The following ANO1 variants were observed in gnomAD, a reference collection of about 807,000 sequenced individuals.
The protein encoded by ANO1 is anoctamin-1.
Under a neutral mutation model 124.0 loss-of-function variants are expected in ANO1, and 59 were observed. That is an observed-to-expected ratio of 0.48 (90% CI 0.39 to 0.59). ANO1 has a LOEUF of 0.59. Ranked by LOEUF, ANO1 falls within the 20% of genes least tolerant of loss-of-function variation. The probability of loss-of-function intolerance (pLI) is 0.00; values close to 1 mark genes in which losing one functional copy is unlikely to be tolerated. For missense variants in ANO1, 1,059 were observed against 1,328.0 expected, an observed-to-expected ratio of 0.80 and a Z score of 3.15; for synonymous variants, 529 against 532.0, an observed-to-expected ratio of 0.99 and a Z score of 0.08.
chr11:70,181,593 G>A (rs985270986), intron 23 of ANO1, among the ~76,000 whole-genome samples: 31 of 152,326 alleles, frequency 2.0e-4, no homozygotes, highest in Admixed American at 1.5e-3. Flanking sequence ...GAGCAGCTGC[G>A]GAGCACAGTG....
At chr11:69,990,660 T>C (rs1554997363) in intron 1 of ANO1, among the ~76,000 whole-genome samples, 2 of 152,230 alleles carry the variant, frequency 1.3e-5, no homozygotes. Flanking sequence ...TTGATATATA[T>C]ACTGTTTAAT....
chr11:70,021,561 G>A (rs1267162935), intron 1 of ANO1, among the ~76,000 whole-genome samples: 4 of 151,972 alleles, frequency 2.6e-5, no homozygotes, highest in African/African-American at 7.3e-5. Context: ...CTGAGGACGT[G>A]GTTCCCATTG....
At chr11:70,032,785 G>T (rs1348457054) in intron 1 of ANO1, among the ~76,000 whole-genome samples, 6 of 152,112 alleles carry the variant, frequency 3.9e-5, no homozygotes, top group African/African-American at 1.4e-4. Flanking sequence ...GATGATGCAG[G>T]TTCTTTGTAA....
chr11:70,146,230 T>C (rs2047372365), intron 11 of ANO1, among the ~76,000 whole-genome samples: 1 of 152,212 alleles, frequency 6.6e-6, no homozygotes, highest in Non-Finnish European at 1.5e-5. Context: ...CAGCTGACCT[T>C]GGGCACAGCA....
At chr11:70,030,396 G>A (rs1266886955) in intron 1 of ANO1, among the ~76,000 whole-genome samples, 5 of 152,190 alleles carry the variant, frequency 3.3e-5, no homozygotes, top group African/African-American at 1.2e-4. Flanking sequence ...TGGTTTCCTG[G>A]GGCTGCTGTA....
intron 1 of ANO1, among the ~76,000 whole-genome samples, chr11:70,067,538 G>A (rs1204766605): frequency 1.3e-5 from 2 of 152,194 alleles, no homozygotes; most frequent in African/African-American, 4.8e-5. Flanking sequence ...ATGTTGGCCA[G>A]GCTGGTCTTG....
chr11:69,969,731 A>G, the ANO1 span, among the ~76,000 whole-genome samples: 29 of 152,160 alleles, frequency 1.9e-4, no homozygotes, highest in Non-Finnish European at 2.9e-4. Context: ...GGTGGATCAC[A>G]AGGTCAGGAG....
chr11:70,162,066 CGGCAGTGAGGGCCCCG>C (rs1325459889), intron 18 of ANO1, among the ~76,000 whole-genome samples: 1 of 144,966 alleles, frequency 6.9e-6, no homozygotes, highest in Admixed American at 6.8e-5. Flanking sequence ...AGTGAGGACC[CGGCAGTGAGGGCCCCG>C]GGCAGTGAGG....
chr11:70,187,322 G>A (rs1013240887), intron 25 of ANO1, among the ~76,000 whole-genome samples: 9 of 152,356 alleles, frequency 5.9e-5, no homozygotes, highest in African/African-American at 2.2e-4. Context: ...TCTCCGTGGA[G>A]GTGGTAGATG....
intron 1 of ANO1, among the ~76,000 whole-genome samples, chr11:70,012,510 T>TCATC (rs564055587): frequency 1.3e-5 from 2 of 151,230 alleles, no homozygotes; most frequent in Non-Finnish European, 2.9e-5. Context: ...ATCCATTCTT[T>TCATC]CATCCATCCA....
intron 1 of ANO1, among the ~76,000 whole-genome samples, chr11:69,991,475 A>G (rs1264563651): frequency 1.6e-4 from 25 of 152,300 alleles, no homozygotes; most frequent in African/African-American, 5.8e-4. Flanking sequence ...GTCCTCTGTG[A>G]CCAAATGCAA....
chr11:69,985,221 T>C (rs74789796), upstream of ANO1, among the ~76,000 whole-genome samples: 332 of 152,286 alleles, frequency 2.2e-3, 8 homozygotes, highest in East Asian at 0.06. Flanking sequence ...TCCAGTCCTC[T>C]TAGCCGCAGT....
chr11:70,105,384 T>C (rs1205029713), intron 4 of ANO1, among the ~76,000 whole-genome samples: 2 of 152,148 alleles, frequency 1.3e-5, no homozygotes, highest in African/African-American at 2.4e-5. Flanking sequence ...GTCCCCCGCC[T>C]TGTTGAAACA....
chr11:70,014,317 C>A (rs962067074), intron 1 of ANO1, among the ~76,000 whole-genome samples: 2 of 148,922 alleles, frequency 1.3e-5, no homozygotes, highest in African/African-American at 2.5e-5. Context: ...GGGCACCCCA[C>A]TCCCCGCCCC....
chr11:70,059,677 T>TA (rs1271546788), intron 1 of ANO1, among the ~76,000 whole-genome samples: 2 of 152,124 alleles, frequency 1.3e-5, no homozygotes, highest in Non-Finnish European at 2.9e-5. Flanking sequence ...GTGATGGTCT[T>TA]ACGGATGGAT....
Position 70,103,208 on chromosome 11 carries a change from G to A in ANO1, c.540+44G>A, listed in dbSNP as rs766202862. The A allele has an allele frequency of 5.8e-5, 88 of 1,508,970 alleles. No individual in the cohort carries two copies. In the Admixed American group the frequency reaches 9.3e-4, roughly 16 times the overall value. The allele number at this position is 1,508,970 out of a possible 1,614,324, so 93.5% of individuals were successfully genotyped here. A position where few individuals can be genotyped will look rare whatever the true frequency, so the allele number is the denominator to read the frequency against. ...GCTCCGAAATGAATCGCCAAGTCTA[G>A]AGGTCACTTGGACGCCTGGCAGTGA... On this transcript the variant is annotated intron_variant, in intron 3 of 25. Coordinates refer to ENST00000355303, the MANE Select transcript of ANO1 (RefSeq NM_018043.7).
intron 23 of ANO1, among the ~76,000 whole-genome samples, chr11:70,181,914 CT>C (rs2048943633): frequency 6.6e-6 from 1 of 152,250 alleles, no homozygotes; most frequent in African/African-American, 2.4e-5. Context: ...ATGGCCCCAT[CT>C]TACAGGTAAG....
rs370424758 is a variant in ANO1, at chr11:70,156,905, G to C, written c.1504-42G>C. On this transcript the variant is annotated intron_variant, in intron 15 of 25. Transcript: ENST00000355303. ...CGCTGACACACAGAGATGTCTCATC[G>C]TGATGGTTCCAGACAGTGACCGGCA... The C allele has an allele frequency of 2.6e-5, 42 of 1,588,932 alleles. No individual in the cohort carries two copies. The Admixed American group carries it at 7.1e-4, about 27-fold the overall frequency.
intron 6 of ANO1, chr11:70,111,044 T>C: frequency 2.3e-6 from 1 of 435,500 alleles, no homozygotes; most frequent in South Asian, 1.6e-5. Context: ...CCAGAATCAC[T>C]GGCCACTGAC....
Sources: allele counts gnomAD v4.1 joint callset (sites outside exome capture counted in the v4.1 genomes callset), GRCh38; gene constraint gnomAD v4.1.1; transcripts MANE v1.5; gene names NCBI Gene and HGNC (gene_info 2026-07-23, HGNC 2026-07-21).